PAPPA: variants seen among roughly 807,000 people sequenced by gnomAD.
The protein encoded by PAPPA is pappalysin 1.
A neutral mutation model predicts 164.0 loss-of-function variants in PAPPA; 60 were observed. The observed-to-expected ratio is 0.37, with a 90% confidence interval of 0.30 to 0.45. The LOEUF is 0.45. Among genes scored for constraint, PAPPA ranks in the 20% least tolerant of loss-of-function variants. The probability of loss-of-function intolerance (pLI) is 1.00; values close to 1 mark genes in which losing one functional copy is unlikely to be tolerated. For synonymous variants in PAPPA, 875 were observed against 814.1 expected (o/e 1.07, Z -1.27); for missense variants, 1,782 against 2,087.3 (o/e 0.85, Z 2.85).
At chr9:116,225,915 T>G (rs925892758) in intron 5 of PAPPA, among the ~76,000 whole-genome samples, 7 of 152,130 alleles carry the variant, frequency 4.6e-5, no homozygotes, top group African/African-American at 1.7e-4. Context: ...AGATAAGTTG[T>G]GTGCTGTGCT....
chr9:116,359,954 T>C (rs1846402496), intron 17 of PAPPA, among the ~76,000 whole-genome samples: 1 of 152,236 alleles, frequency 6.6e-6, no homozygotes, highest in Admixed American at 6.5e-5. Context: ...AAGTGCCAGA[T>C]GAACTGGGCA....
chr9:116,219,316 A>G (rs1844413587), intron 4 of PAPPA, among the ~76,000 whole-genome samples: 1 of 152,238 alleles, frequency 6.6e-6, no homozygotes, highest in South Asian at 2.1e-4. Flanking sequence ...GTACCTCATC[A>G]TGGGCAGGAA....
At chr9:116,292,551 A>C (rs1228698405) in intron 9 of PAPPA, among the ~76,000 whole-genome samples, 1 of 152,164 alleles carries the variant, frequency 6.6e-6, no homozygotes, top group African/African-American at 2.4e-5. Flanking sequence ...TTGTTAAGTG[A>C]TGGTGTTGTC....
At chr9:116,340,748 C>T (rs899919408) in intron 13 of PAPPA, among the ~76,000 whole-genome samples, 1 of 152,116 alleles carries the variant, frequency 6.6e-6, no homozygotes, top group Non-Finnish European at 1.5e-5. Context: ...ACAATGTGTA[C>T]CTTAGCCCCT....
At chr9:116,215,464 C>G (rs1167535786) in intron 4 of PAPPA, among the ~76,000 whole-genome samples, 1 of 152,112 alleles carries the variant, frequency 6.6e-6, no homozygotes, top group Non-Finnish European at 1.5e-5. Flanking sequence ...AGCTGGAAGC[C>G]ATTGTCCTTA....
chr9:116,372,207 C>T (rs541224042), intron 19 of PAPPA, among the ~76,000 whole-genome samples: 2 of 152,200 alleles, frequency 1.3e-5, no homozygotes, highest in African/African-American at 4.8e-5. Flanking sequence ...TAGAGAGAAA[C>T]TGCAGGGAAT....
intron 9 of PAPPA, among the ~76,000 whole-genome samples, chr9:116,289,388 A>G (rs1288400346): frequency 6.9e-6 from 1 of 144,962 alleles, no homozygotes; most frequent in Non-Finnish European, 1.5e-5. Flanking sequence ...TAGCATATGT[A>G]TATATAGCTA....
chr9:116,210,006 A>G (rs1298841229), intron 3 of PAPPA, among the ~76,000 whole-genome samples: 1 of 152,154 alleles, frequency 6.6e-6, no homozygotes, highest in East Asian at 1.9e-4. Flanking sequence ...CCAATTTATT[A>G]CAACCATATT....
chr9:116,335,066 C>T lies in PAPPA; in HGVS notation c.3603C>T (p.Ala1201=), dbSNP rs751536851. 1.7e-5 allele frequency: 27 copies of T among 1,612,502 alleles called. No individual in the cohort carries two copies. Among genetic ancestry groups the T allele is most frequent in the South Asian group, 3.3e-5 (3 of 91,066 alleles). ...AGAGAGGGGAGACCTACAGCCCTGC[C>T]GAGCAGAGGTAAGGGATCCGCGGCA... The part of the protein sequence containing the change: ...SCQRGETYSP[A]EQSCVHFACE... Residue 1201 remains alanine (A), a synonymous_variant, in exon 13 of 22, where the codon GCC becomes GCT. Coordinates refer to ENST00000328252, the MANE Select transcript of PAPPA (RefSeq NM_002581.5).
rs953239756 is a variant in PAPPA, at chr9:116,401,853, AG to A, written c.*5238del. 7.4e-6 allele frequency: 1 copy of A among 134,940 alleles called. No individual in the cohort carries two copies. Among genetic ancestry groups the A allele is most frequent in the Non-Finnish European group, 1.6e-5 (1 of 62,906 alleles). 8.4% of individuals were successfully genotyped at this position (134,940 alleles called of 1,614,324 possible). Reference sequence around the variant, plus strand: ...GAATTCTTCTGGCCTATTGTAAAAAAGAAAAAAAAAAAGAAAAAGAAGAAAG... The same window carrying A: ...GAATTCTTCTGGCCTATTGTAAAAAAAAAAAAAAAAAGAAAAAGAAGAAAG... On this transcript the variant is annotated 3_prime_UTR_variant, in exon 22 of 22. Transcript: ENST00000328252.
At chr9:116,337,089 G>A (rs966085118) in intron 13 of PAPPA, among the ~76,000 whole-genome samples, 1 of 152,176 alleles carries the variant, frequency 6.6e-6, no homozygotes, top group African/African-American at 2.4e-5. Context: ...TGCTTTGTCT[G>A]TCCCTGAAAG....
intron 21 of PAPPA, among the ~76,000 whole-genome samples, chr9:116,394,746 G>C (rs892776406): frequency 6.6e-6 from 1 of 152,222 alleles, no homozygotes; most frequent in Non-Finnish European, 1.5e-5. Flanking sequence ...CAAGAAGAGA[G>C]GTGCTGCTTG....
At chr9:116,256,828 C>T (rs982589023) in intron 7 of PAPPA, among the ~76,000 whole-genome samples, 1 of 151,678 alleles carries the variant, frequency 6.6e-6, no homozygotes, top group Admixed American at 6.6e-5. Flanking sequence ...AGATCTTGAA[C>T]AACACAAAAA....
intron 1 of PAPPA, among the ~76,000 whole-genome samples, chr9:116,178,387 C>T (rs758992402): frequency 1.3e-5 from 2 of 152,134 alleles, no homozygotes; most frequent in Non-Finnish European, 2.9e-5. Context: ...GGATTACAGG[C>T]GTGAGCCACC....
intron 19 of PAPPA, 42 bp downstream of exon 19, chr9:116,367,796 A>G: frequency 1.5e-6 from 2 of 1,323,844 alleles, no homozygotes; most frequent in Non-Finnish European, 2.2e-6. Flanking sequence ...GCTAAGGGGG[A>G]GGGAAATGAT....
intron 12 of PAPPA, 32 bp downstream of exon 12, chr9:116,332,500 T>G: frequency 6.3e-7 from 1 of 1,589,106 alleles, no homozygotes; most frequent in Non-Finnish European, 8.6e-7. Flanking sequence ...TGGCTTGCTT[T>G]CAGTACCTGA....
chr9:116,339,811 G>T (rs531395186), intron 13 of PAPPA, among the ~76,000 whole-genome samples: 1 of 152,226 alleles, frequency 6.6e-6, no homozygotes, highest in Admixed American at 6.5e-5. Flanking sequence ...GCTTTATCCG[G>T]GTTCCAGCAC....
At chr9:116,237,455 T>A (rs1288657772) in intron 7 of PAPPA, among the ~76,000 whole-genome samples, 2 of 152,228 alleles carry the variant, frequency 1.3e-5, no homozygotes, top group Non-Finnish European at 2.9e-5. Flanking sequence ...TGTTTTAAAA[T>A]CTCAGTTTAA....
At chr9:116,326,153 A>G (rs1845918218) in intron 10 of PAPPA, among the ~76,000 whole-genome samples, 1 of 152,184 alleles carries the variant, frequency 6.6e-6, no homozygotes, top group Non-Finnish European at 1.5e-5. Flanking sequence ...CAAGAGGCTT[A>G]TGTCATCCAT....
Sources: allele counts gnomAD v4.1 joint callset (sites outside exome capture counted in the v4.1 genomes callset), GRCh38; gene constraint gnomAD v4.1.1; transcripts MANE v1.5; gene names NCBI Gene and HGNC (gene_info 2026-07-23, HGNC 2026-07-21).